The following FBXL17 variants were observed in gnomAD, a reference collection of about 807,000 sequenced individuals.
FBXL17 encodes F-box/LRR-repeat protein 17.
A neutral mutation model predicts 66.2 loss-of-function variants in FBXL17; 22 were observed. The ratio of observed to expected loss-of-function variants is 0.33; its 90% CI spans 0.24 to 0.47. The LOEUF is 0.47. Among genes scored for constraint, FBXL17 ranks in the 20% least tolerant of loss-of-function variants. The probability of loss-of-function intolerance (pLI) is 1.00; values close to 1 mark genes in which losing one functional copy is unlikely to be tolerated. For missense variants in FBXL17, 878 were observed against 948.2 expected, an observed-to-expected ratio of 0.93 and a Z score of 0.97; for synonymous variants, 474 against 400.5, an observed-to-expected ratio of 1.18 and a Z score of -2.19.
chr5:108,313,051 T>A (rs889598138), intron 4 of FBXL17, among the ~76,000 whole-genome samples: 1 of 152,114 alleles, frequency 6.6e-6, no homozygotes, highest in Admixed American at 6.6e-5. Flanking sequence ...AATCTGACTG[T>A]CCAATGTTCA....
At chr5:107,863,782 G>T (rs6596758) in intron 8 of FBXL17, among the ~76,000 whole-genome samples, 5,676 of 152,228 alleles carry the variant, frequency 0.037, 359 homozygotes, top group African/African-American at 0.13. Flanking sequence ...GAAGACTAAT[G>T]ATTTCTTGAG....
At chr5:107,894,647 C>T (rs886423640) in intron 7 of FBXL17, among the ~76,000 whole-genome samples, 2 of 152,048 alleles carry the variant, frequency 1.3e-5, no homozygotes, top group Non-Finnish European at 2.9e-5. Context: ...GGAGCTGATC[C>T]ATCCTGGGGG....
rs922817939 is a variant in FBXL17, at chr5:108,330,895, CA to C, written c.1506+17503del. 4.0e-5 allele frequency among the ~76,000 whole-genome samples: 6 copies of C among 151,638 alleles called. No individual in the cohort carries two copies. In the South Asian group the frequency reaches 1.3e-3, roughly 32 times the overall value. On this transcript the variant is annotated intron_variant, in intron 4 of 8. Transcript: ENST00000542267. The stretch of plus-strand genomic sequence containing the variant: ...TGAAACCTCGTCTCTACTAAAAATA[CA>C]AAAAAAATTAGCTGGGCATGGTGGC...
At chr5:108,029,150 T>A (rs557943755) in intron 6 of FBXL17, among the ~76,000 whole-genome samples, 34 of 152,258 alleles carry the variant, frequency 2.2e-4, no homozygotes, top group African/African-American at 7.9e-4. Flanking sequence ...CAGGAGATTT[T>A]ACATAGAGAT....
intron 7 of FBXL17, among the ~76,000 whole-genome samples, chr5:107,988,102 A>G (rs1268367553): frequency 1.3e-5 from 2 of 152,022 alleles, no homozygotes; most frequent in Non-Finnish European, 2.9e-5. Flanking sequence ...CAATTTTAAA[A>G]TATTTCTCAT....
chr5:107,923,215 T>C (rs182552604), intron 7 of FBXL17, among the ~76,000 whole-genome samples: 7 of 152,166 alleles, frequency 4.6e-5, no homozygotes, highest in Non-Finnish European at 7.4e-5. Flanking sequence ...GCTCAATAAA[T>C]ATTTGTTAAA....
intron 4 of FBXL17, among the ~76,000 whole-genome samples, chr5:108,235,613 A>C: frequency 6.6e-6 from 1 of 152,158 alleles, no homozygotes; most frequent in Non-Finnish European, 1.5e-5. Flanking sequence ...TGCTATTCAA[A>C]ATCCTCCAGT....
intron 6 of FBXL17, among the ~76,000 whole-genome samples, chr5:108,131,870 A>T (rs758071295): frequency 2.2e-4 from 33 of 152,316 alleles, no homozygotes; most frequent in Non-Finnish European, 4.1e-4. Context: ...TTTAAGAGTA[A>T]TTGACACATA....
In FBXL17 at chr5:107,952,697, T is replaced by C. The variant is rs947358771; in HGVS notation, c.1822+68228A>G. On this transcript the variant is annotated intron_variant, in intron 7 of 8. Coordinates refer to ENST00000542267, the MANE Select transcript of FBXL17 (RefSeq NM_001163315.3). ...TAGACCTGGAGTAAGTAATCAGAGA[T>C]TGAAGCAAGGCTAGCTGAACTATTC... Among the ~76,000 whole-genome samples the C allele has an allele frequency of 7.9e-5, 12 of 152,194 alleles. 1 individual carries two copies. Among genetic ancestry groups the C allele is most frequent in the Admixed American group, 5.9e-4 (9 of 15,268 alleles).
intron 6 of FBXL17, among the ~76,000 whole-genome samples, chr5:108,027,751 T>C (rs1189814165): frequency 6.6e-6 from 1 of 152,104 alleles, no homozygotes; most frequent in Non-Finnish European, 1.5e-5. Flanking sequence ...AGCATTTCCT[T>C]TAGTCCTGTA....
chr5:108,177,268 G>A (rs1752827356), intron 6 of FBXL17, among the ~76,000 whole-genome samples: 1 of 152,062 alleles, frequency 6.6e-6, no homozygotes, highest in Non-Finnish European at 1.5e-5. Context: ...TTTTCCTCAA[G>A]AAACATCATA....
intron 4 of FBXL17, among the ~76,000 whole-genome samples, chr5:108,331,002 G>A (rs80085124): frequency 0.048 from 7,248 of 152,106 alleles, 578 homozygotes; most frequent in African/African-American, 0.17. Context: ...GCAATGAGCC[G>A]AGACTGCGCC....
chr5:108,153,199 T>C (rs890828392), intron 6 of FBXL17, among the ~76,000 whole-genome samples: 10 of 152,216 alleles, frequency 6.6e-5, no homozygotes, highest in Non-Finnish European at 1.3e-4. Context: ...GGTATGTCTT[T>C]ATTAGCAGTG....
At chr5:108,176,751 T>A (rs62359506) in intron 6 of FBXL17, among the ~76,000 whole-genome samples, 1 of 152,092 alleles carries the variant, frequency 6.6e-6, no homozygotes, top group African/African-American at 2.4e-5. Flanking sequence ...TAAATAACTA[T>A]AAGTACTAAA....
chr5:108,214,352 T>A (rs1431462347), intron 5 of FBXL17, among the ~76,000 whole-genome samples: 2 of 147,984 alleles, frequency 1.4e-5, no homozygotes, highest in African/African-American at 5.1e-5. Context: ...TATTAATTAG[T>A]AAATTTATTA....
At chr5:107,875,969 A>G (rs1748604023) in intron 8 of FBXL17, among the ~76,000 whole-genome samples, 2 of 152,236 alleles carry the variant, frequency 1.3e-5, no homozygotes, top group Admixed American at 6.5e-5. Flanking sequence ...ACGCCTGTGT[A>G]ATTCTAATTT....
At chr5:108,161,899 A>T (rs993659814) in intron 6 of FBXL17, among the ~76,000 whole-genome samples, 3 of 152,224 alleles carry the variant, frequency 2.0e-5, no homozygotes, top group Non-Finnish European at 4.4e-5. Flanking sequence ...GGTTAAAGAA[A>T]AGTACAATAT....
chr5:107,938,507 G>A (rs1358466197), intron 7 of FBXL17, among the ~76,000 whole-genome samples: 1 of 152,082 alleles, frequency 6.6e-6, no homozygotes, highest in Non-Finnish European at 1.5e-5. Context: ...GAAGTAGCAT[G>A]AACTTTAAAC....
At chr5:107,878,939 T>C in intron 8 of FBXL17, 2 of 985,464 alleles carry the variant, frequency 2.0e-6, no homozygotes, top group Non-Finnish European at 2.4e-6. Context: ...GGCTCTCTGG[T>C]TAGAGAAAGG....
Sources: allele counts gnomAD v4.1 joint callset (sites outside exome capture counted in the v4.1 genomes callset), GRCh38; gene constraint gnomAD v4.1.1; transcripts MANE v1.5; gene names NCBI Gene and HGNC (gene_info 2026-07-23, HGNC 2026-07-21).